The following CLK3 variants were observed in gnomAD, a reference collection of about 807,000 sequenced individuals.
The protein encoded by CLK3 is CDC like kinase 3.
A neutral mutation model predicts 65.2 loss-of-function variants in CLK3; 24 were observed. The observed-to-expected ratio is 0.37, with a 90% CI of 0.27 to 0.52. CLK3 has a LOEUF of 0.52. Ranked by LOEUF, CLK3 falls within the 20% of genes least tolerant of loss-of-function variation. The pLI is 0.92. For missense variants in CLK3, 506 were observed against 660.0 expected, an observed-to-expected ratio of 0.77 and a Z score of 2.56; for synonymous variants, 252 against 240.8, an observed-to-expected ratio of 1.05 and a Z score of -0.43.
chr15:74,620,237 C>T lies in CLK3; in HGVS notation c.369+12C>T, dbSNP rs936846480. 6.2e-7 allele frequency: 1 copy of T among 1,613,664 alleles called. No individual in the cohort carries two copies. Among genetic ancestry groups the T allele is most frequent in the Non-Finnish European group, 8.5e-7 (1 of 1,179,838 alleles). ...GCAGCGCCTCCTCGGTGAGTGGTAGCCAGAGTGTGCTGGCTGGGGCTTAAA... is the reference window on the plus strand; with the variant it reads ...GCAGCGCCTCCTCGGTGAGTGGTAGTCAGAGTGTGCTGGCTGGGGCTTAAA... On this transcript the variant is annotated intron_variant, in intron 3 of 12. Coordinates refer to ENST00000395066, the MANE Select transcript of CLK3 (RefSeq NM_001130028.2).
At chr15:74,615,284 C>T (rs1228746551), upstream of CLK3, 1 of 536,200 alleles carries the variant, frequency 1.9e-6, no homozygotes. Context: ...AGAAACTGCC[C>T]CGCACGCACT....
intron 10 of CLK3, 102 bp from the exon 11 acceptor site, chr15:74,628,502 C>A: frequency 2.5e-6 from 2 of 788,320 alleles, no homozygotes; most frequent in Non-Finnish European, 4.2e-6. Context: ...TTTGCATGTC[C>A]TGGGGCAGTG....
chr15:74,616,144 A>T (rs1373341007), intron 1 of CLK3, among the ~76,000 whole-genome samples: 1 of 152,218 alleles, frequency 6.6e-6, no homozygotes, highest in African/African-American at 2.4e-5. Flanking sequence ...GGGGCCGCTC[A>T]AGGGTCCAGT....
At chr15:74,612,957 A>T (rs573333182), upstream of CLK3, among the ~76,000 whole-genome samples, 1 of 152,266 alleles carries the variant, frequency 6.6e-6, no homozygotes, top group African/African-American at 2.4e-5. Context: ...TGGTCCACAG[A>T]ATGGAGTGCA....
chr15:74,630,132 T>C lies in CLK3; in HGVS notation c.*249T>C. 1 of 443,602 alleles carries C rather than the reference T, an allele frequency of 2.3e-6. No individual in the cohort carries two copies. The highest frequency in any genetic ancestry group is 3.5e-5 in the East Asian group (1 of 28,466). The allele number at this position is 443,602 out of a possible 1,614,324, so 27.5% of individuals were successfully genotyped here. A position where few individuals can be genotyped will look rare whatever the true frequency, so the allele number is the denominator to read the frequency against. ...TACTGTTTGTAACCCCTGGTACCAGTGTGTCCATCTCCAGGCTCCTTGCCT... is the reference window on the plus strand; with the variant it reads ...TACTGTTTGTAACCCCTGGTACCAGCGTGTCCATCTCCAGGCTCCTTGCCT... On this transcript the variant is annotated 3_prime_UTR_variant, in exon 13 of 13. Transcript: ENST00000395066.
chr15:74,618,141 AAGCTC>A (rs2062074923), intron 1 of CLK3, among the ~76,000 whole-genome samples: 1 of 152,206 alleles, frequency 6.6e-6, no homozygotes, highest in Non-Finnish European at 1.5e-5. Flanking sequence ...TTGGCCAGGC[AAGCTC>A]AGGACTGACC....
At chr15:74,615,366 G>A (rs901398979), upstream of CLK3, 3 of 1,161,116 alleles carry the variant, frequency 2.6e-6, no homozygotes, top group African/African-American at 3.2e-5. Flanking sequence ...TCGTTCGCTC[G>A]TTTCGCGCAA....
At position 74,627,834 on chromosome 15, in the gene CLK3, G is replaced by C; in HGVS notation, c.1043-136G>C. On this transcript the variant is annotated intron_variant, in intron 9 of 12. Coordinates refer to ENST00000395066, the MANE Select transcript of CLK3 (RefSeq NM_001130028.2). This position sits in a 1 kb window ranked among gnomAD's most constrained non-coding sequence, Gnocchi z 4.3. ...ACAGGTGACTGACCTGGCTTTATCTGTCAGCCTTACTGAGAGAGGGCCTCG... is the reference window on the plus strand; with the variant it reads ...ACAGGTGACTGACCTGGCTTTATCTCTCAGCCTTACTGAGAGAGGGCCTCG... The C allele has an allele frequency of 8.2e-7, 1 of 1,213,800 alleles. No individual in the cohort carries two copies. The highest frequency in any genetic ancestry group is 1.3e-5 in the South Asian group (1 of 75,474). The allele number at this position is 1,213,800 out of a possible 1,614,324, so 75.2% of individuals were successfully genotyped here.
chr15:74,619,504 C>T (rs2062084964), intron 2 of CLK3, among the ~76,000 whole-genome samples, 156 bp downstream of exon 2: 1 of 152,160 alleles, frequency 6.6e-6, no homozygotes, highest in Non-Finnish European at 1.5e-5. Context: ...CACCTGCATG[C>T]CTTGGCCTCA....
In CLK3 at chr15:74,621,227, C is replaced by G. The variant is rs1026919425; in HGVS notation, c.370-893C>G. The G allele has an allele frequency of 2.0e-5, 3 of 152,820 alleles. No individual in the cohort carries two copies. The highest frequency in any genetic ancestry group is 7.2e-5 in the African/African-American group (3 of 41,478). The allele number at this position is 152,820 out of a possible 1,614,324, so 9.5% of individuals were successfully genotyped here. ...TCACCTCTTTGCACACTGCCACATG[C>G]TGCCACAGGATGGCAGTGCAGGTCT... On this transcript the variant is annotated intron_variant, in intron 3 of 12. Transcript: ENST00000395066. The surrounding 1 kb of genome is among the most constrained non-coding windows in gnomAD (Gnocchi z 4.8).
rs779348294 is a variant in CLK3, at chr15:74,615,883, C to G, written c.-16C>G. 1 of 1,254,058 alleles carries G rather than the reference C, an allele frequency of 8.0e-7. No homozygotes were observed. Among genetic ancestry groups the G allele is most frequent in the South Asian group, 3.3e-5 (1 of 30,292 alleles). The allele number at this position is 1,254,058 out of a possible 1,614,324, so 77.7% of individuals were successfully genotyped here. On this transcript the variant is annotated 5_prime_UTR_variant, in exon 1 of 13. Transcript: ENST00000395066. ...GCGGGGAGTGGGGCCTAGCTGCAGC[C>G]GGAGCCTGGGAGACGGTAAGTGTGG...
At position 74,616,145 on chromosome 15, in the gene CLK3, A is replaced by G. The variant is rs550447788; in HGVS notation, c.-1+247A>G. 4.6e-5 allele frequency among the ~76,000 whole-genome samples: 7 copies of G among 152,326 alleles called. No homozygotes were observed. The South Asian group carries it at 1.2e-3, about 27-fold the overall frequency. On this transcript the variant is annotated intron_variant, in intron 1 of 12. Coordinates refer to ENST00000395066, the MANE Select transcript of CLK3 (RefSeq NM_001130028.2). ...CCTGAACGGCCTCTGGGGCCGCTCA[A>G]GGGTCCAGTTTGGGCTCTGTGCCTG...
At chr15:74,616,378 C>T (rs1255861819) in intron 1 of CLK3, among the ~76,000 whole-genome samples, 3 of 152,360 alleles carry the variant, frequency 2.0e-5, no homozygotes, top group South Asian at 2.1e-4. Context: ...CTCTGAGACC[C>T]CCTGGGACCT....
In CLK3 at chr15:74,628,611, A is replaced by G; in HGVS notation, c.1133A>G (p.Glu378Gly). ...YRGFTLFQTH[E>G]NREHLVMMEK... Reference sequence around the variant, plus strand: ...GTCCCTAATCTTCCACAGACCCACGAAAACCGAGAGCACCTGGTGATGATG... The same window carrying G: ...GTCCCTAATCTTCCACAGACCCACGGAAACCGAGAGCACCTGGTGATGATG... Residue 378 changes from glutamate (E) to glycine (G), a missense_variant, in exon 11 of 13, where the codon GAA becomes GGA. Coordinates refer to ENST00000395066, the MANE Select transcript of CLK3 (RefSeq NM_001130028.2). 2 of 1,613,480 alleles carry G rather than the reference A, an allele frequency of 1.2e-6. No individual in the cohort carries two copies. Among genetic ancestry groups the G allele is most frequent in the Non-Finnish European group, 1.7e-6 (2 of 1,179,596 alleles).
intron 12 of CLK3, 161 bp downstream of exon 12, chr15:74,629,193 C>A (rs2062171545): frequency 1.4e-6 from 1 of 717,172 alleles, no homozygotes; most frequent in Non-Finnish European, 2.6e-6. Context: ...AATGGGGCTT[C>A]TTGCAAACTG....
chr15:74,623,799 G>C (rs1202063541), intron 5 of CLK3: 1 of 152,364 alleles, frequency 6.6e-6, no homozygotes, highest in African/African-American at 2.4e-5. Context: ...GCCAGTGGGG[G>C]TTGTCATGCA....
chr15:74,624,289 G>A lies in CLK3; in HGVS notation c.534-613G>A, dbSNP rs1268520356. 6.6e-6 allele frequency: 1 copy of A among 152,632 alleles called. No homozygotes were observed. The highest frequency in any genetic ancestry group is 1.5e-5 in the Non-Finnish European group (1 of 68,362). The allele number at this position is 152,632 out of a possible 1,614,324, so 9.5% of individuals were successfully genotyped here. A position where few individuals can be genotyped will look rare whatever the true frequency, so the allele number is the denominator to read the frequency against. ...GCAGGGACTGTTAAAACCTTCTTTG[G>A]ACACTTAAGAAGGGTTCCTGGCATT... is the stretch of plus-strand genomic sequence containing the variant. On this transcript the variant is annotated intron_variant, in intron 5 of 12. Transcript: ENST00000395066. This position sits in a 1 kb window ranked among gnomAD's most constrained non-coding sequence, Gnocchi z 4.2.
At position 74,621,093 on chromosome 15, in the gene CLK3, G is replaced by A. The variant is rs549821456; in HGVS notation, c.369+868G>A. The A allele has an allele frequency of 8.1e-4, 123 of 152,574 alleles. No homozygotes were observed. The highest frequency in any genetic ancestry group is 1.2e-3 in the Non-Finnish European group (83 of 68,176). 9.5% of individuals were successfully genotyped at this position (152,574 alleles called of 1,614,324 possible). Reference sequence around the variant, plus strand: ...CCCTCCTGCCGGCCTTGAGGCCCCTGAGGAGCAGTGGAGAGGCCAGGTGTC... The same window carrying A: ...CCCTCCTGCCGGCCTTGAGGCCCCTAAGGAGCAGTGGAGAGGCCAGGTGTC... On this transcript the variant is annotated intron_variant, in intron 3 of 12. Coordinates refer to ENST00000395066, the MANE Select transcript of CLK3 (RefSeq NM_001130028.2). This position sits in a 1 kb window ranked among gnomAD's most constrained non-coding sequence, Gnocchi z 4.8.
Position 74,624,247 on chromosome 15 carries a change from G to C in CLK3, c.534-655G>C, listed in dbSNP as rs553862390. 1.3e-5 allele frequency: 2 copies of C among 152,408 alleles called. No homozygotes were observed. The highest frequency in any genetic ancestry group is 2.9e-5 in the Non-Finnish European group (2 of 68,184). 9.4% of individuals were successfully genotyped at this position (152,408 alleles called of 1,614,324 possible). On this transcript the variant is annotated intron_variant, in intron 5 of 12. Transcript: ENST00000395066. This position sits in a 1 kb window ranked among gnomAD's most constrained non-coding sequence, Gnocchi z 4.2. ...CAGATGGCCTCCTGGGGTGAGGTTG[G>C]GGGTGGGAGGCACAGAGCAGGGACT...
Sources: gnomAD v4.1 joint callset for allele counts (sites outside exome capture counted in the v4.1 genomes callset) on GRCh38, gnomAD v4.1.1 for gene constraint, Gnocchi (gnomAD v3.1) non-coding constraint, MANE v1.5 for transcripts, NCBI Gene and HGNC (gene_info 2026-07-23, HGNC 2026-07-21) for gene names.